PCDHA5: variants seen among roughly 807,000 people sequenced by gnomAD.
The protein encoded by PCDHA5 is protocadherin alpha 5.
PCDHA5 carries 43 observed loss-of-function variants against 61.6 expected under a neutral mutation model. The ratio of observed to expected loss-of-function variants is 0.70; its 90% CI spans 0.55 to 0.90. The LOEUF is 0.90. Ranked by LOEUF, PCDHA5 falls within the 40% of genes least tolerant of loss-of-function variation. PCDHA5 has a pLI of 0.00. For synonymous variants in PCDHA5, 627 were observed against 543.9 expected, an observed-to-expected ratio of 1.15 and a Z score of -2.13; for missense variants, 1,298 against 1,222.7, an observed-to-expected ratio of 1.06 and a Z score of -0.92.
rs781930086 is a variant in PCDHA5, at chr5:140,857,347, G to C, written c.2352+33220G>C. On this transcript the variant is annotated intron_variant, in intron 1 of 3. Coordinates refer to ENST00000529859, the MANE Select transcript of PCDHA5 (RefSeq NM_018908.3). The stretch of plus-strand genomic sequence containing the variant: ...CCGCGCGGGACGGGGGCTCGCCTCC[G>C]CTGTGGGCCACGGCCAGCGTGTCTG... 2.9e-5 allele frequency: 46 copies of C among 1,598,352 alleles called. 5 individuals are homozygous for C. In the Admixed American group the frequency reaches 3.4e-4, roughly 12 times the overall value.
Position 140,929,272 on chromosome 5 carries a change from T to G in PCDHA5, c.2353-49677T>G, listed in dbSNP as rs560527071. Reference sequence around the variant, plus strand: ...TGGGGTAGGACTGAATTTGCCAATATCCTGTATTCAGATTCGGAATAGGAA... The same window carrying G: ...TGGGGTAGGACTGAATTTGCCAATAGCCTGTATTCAGATTCGGAATAGGAA... On this transcript the variant is annotated intron_variant, in intron 1 of 3. Transcript: ENST00000529859. The G allele has an allele frequency of 1.3e-4, 206 of 1,607,152 alleles. 1 individual carries two copies. The South Asian group carries it at 2.1e-3, about 17-fold the overall frequency.
intron 1 of PCDHA5, chr5:140,834,613 TA>T: frequency 6.2e-6 from 10 of 1,614,054 alleles, no homozygotes; most frequent in Non-Finnish European, 8.5e-6. Flanking sequence ...CTTCTGGAGG[TA>T]AATCTGCAGA....
At chr5:140,839,890 G>T (rs1168165739) in intron 1 of PCDHA5, among the ~76,000 whole-genome samples, 2 of 151,956 alleles carry the variant, frequency 1.3e-5, no homozygotes, top group Non-Finnish European at 2.9e-5. Context: ...AATTTTGACA[G>T]AAAAAGATGA....
At chr5:140,985,317 A>C (rs1457089100) in intron 3 of PCDHA5, among the ~76,000 whole-genome samples, 1 of 152,134 alleles carries the variant, frequency 6.6e-6, no homozygotes, top group Non-Finnish European at 1.5e-5. Flanking sequence ...TGGTGGCCAG[A>C]ATTCAGTAGT....
At chr5:140,974,647 G>GATT (rs2096635431) in intron 1 of PCDHA5, among the ~76,000 whole-genome samples, 1 of 152,068 alleles carries the variant, frequency 6.6e-6, no homozygotes, top group African/African-American at 2.4e-5. Context: ...GAGTAGCTGA[G>GATT]ATTACAGGCA....
At chr5:140,989,013 G>A (rs1171400170) in intron 3 of PCDHA5, 1 of 152,208 alleles carries the variant, frequency 6.6e-6, no homozygotes, top group Non-Finnish European at 1.5e-5. Context: ...ACTTATTATA[G>A]TTTCTTCAGT....
intron 1 of PCDHA5, chr5:140,824,356 T>A (rs2150134202): frequency 1.4e-5 from 8 of 579,216 alleles, no homozygotes; most frequent in Non-Finnish European, 2.1e-5. Context: ...TAATATTTTA[T>A]ATTAGCATTT....
Position 140,876,759 on chromosome 5 carries a change from T to C in PCDHA5, c.2352+52632T>C, listed in dbSNP as rs782783090. The C allele has an allele frequency of 1.2e-5, 19 of 1,614,028 alleles. No homozygotes were observed. In the Admixed American group the frequency reaches 2.8e-4, roughly 24 times the overall value. Reference sequence around the variant, plus strand: ...ATGAGCTGGTGGTGACTGCGCGGGATGGGGGCTCGCCTTCGCTGTGGGCCA... The same window carrying C: ...ATGAGCTGGTGGTGACTGCGCGGGACGGGGGCTCGCCTTCGCTGTGGGCCA... On this transcript the variant is annotated intron_variant, in intron 1 of 3. Transcript: ENST00000529859.
At chr5:140,875,982 T>A (rs782696437) in intron 1 of PCDHA5, 7 of 1,614,008 alleles carry the variant, frequency 4.3e-6, no homozygotes, top group Non-Finnish European at 5.9e-6. Context: ...TTTTGACCTA[T>A]GCGTTAAGTC....
chr5:140,893,656 TA>T (rs1241356048), intron 1 of PCDHA5, among the ~76,000 whole-genome samples: 28 of 152,340 alleles, frequency 1.8e-4, no homozygotes, highest in Admixed American at 1.6e-3. Flanking sequence ...CTGATAGTTT[TA>T]AAAAATTTCA....
At chr5:140,872,582 G>T (rs535860760) in intron 1 of PCDHA5, among the ~76,000 whole-genome samples, 2 of 152,202 alleles carry the variant, frequency 1.3e-5, no homozygotes, top group African/African-American at 4.8e-5. Context: ...ACCTATCATC[G>T]TGAGACCCCC....
In PCDHA5 at chr5:140,904,790, G is replaced by T. The variant is rs139747501; in HGVS notation, c.2353-74159G>T. 2.6e-3 allele frequency among the ~76,000 whole-genome samples: 392 copies of T among 152,018 alleles called. 4 individuals carry two copies. In the East Asian group the frequency reaches 0.045, roughly 17 times the overall value. The stretch of plus-strand genomic sequence containing the variant: ...TGGTATCACATTATTGTTTTAATTT[G>T]CATTTTCCTGATAATTAGTGATGTT... On this transcript the variant is annotated intron_variant, in intron 1 of 3. Coordinates refer to ENST00000529859, the MANE Select transcript of PCDHA5 (RefSeq NM_018908.3).
intron 1 of PCDHA5, chr5:140,883,585 C>T (rs782326010): frequency 4.3e-6 from 7 of 1,613,932 alleles, no homozygotes; most frequent in East Asian, 4.5e-5. Flanking sequence ...GGGCCACGGC[C>T]AGCGTGTCGG....
intron 1 of PCDHA5, chr5:140,969,344 T>G: frequency 6.2e-7 from 1 of 1,613,664 alleles, no homozygotes; most frequent in Non-Finnish European, 8.5e-7. Context: ...GAGACAGTGG[T>G]CAGGGGGTCT....
At chr5:140,853,589 C>T (rs1053953271) in intron 1 of PCDHA5, 2 of 986,246 alleles carry the variant, frequency 2.0e-6, no homozygotes, top group Non-Finnish European at 1.2e-6. Context: ...ATCTTAGACA[C>T]TTTGAGAGCA....
chr5:140,952,903 C>T (rs896493880), intron 1 of PCDHA5, among the ~76,000 whole-genome samples: 4 of 152,092 alleles, frequency 2.6e-5, no homozygotes, highest in African/African-American at 7.2e-5. Flanking sequence ...GGGAATCAAG[C>T]TCATCTTACA....
chr5:140,862,857 T>A (rs782223560), intron 1 of PCDHA5: 4 of 517,166 alleles, frequency 7.7e-6, no homozygotes, highest in Non-Finnish European at 1.5e-5. Flanking sequence ...TGAGCAGCAA[T>A]GTGACGCTGC....
At chr5:140,967,373 A>C in intron 1 of PCDHA5, 1 of 1,607,416 alleles carries the variant, frequency 6.2e-7, no homozygotes, top group Non-Finnish European at 8.5e-7. Flanking sequence ...CCTGCAGGAG[A>C]ACAGTAAAGT....
chr5:140,833,355 A>T (rs1008230384), intron 1 of PCDHA5, among the ~76,000 whole-genome samples: 7 of 152,200 alleles, frequency 4.6e-5, no homozygotes, highest in Non-Finnish European at 1.5e-5. Flanking sequence ...CAGAAAACGA[A>T]CACAGTAAGG....
Sources: allele counts gnomAD v4.1 joint callset (sites outside exome capture counted in the v4.1 genomes callset), GRCh38; gene constraint gnomAD v4.1.1; transcripts MANE v1.5; gene names NCBI Gene and HGNC (gene_info 2026-07-23, HGNC 2026-07-21).